TRPC1: variants seen among roughly 807,000 people sequenced by gnomAD.
TRPC1 encodes short transient receptor potential channel 1.
A neutral mutation model predicts 88.2 loss-of-function variants in TRPC1; 42 were observed. That is an observed-to-expected ratio of 0.48 (90% confidence interval 0.37 to 0.62). The LOEUF (loss-of-function observed/expected upper bound fraction) is 0.62. Ranked by LOEUF, TRPC1 falls within the 20% of genes least tolerant of loss-of-function variation. The pLI is 0.00. For missense variants in TRPC1, 699 were observed against 957.3 expected (o/e 0.73, Z 3.56); for synonymous variants, 288 against 331.8 (o/e 0.87, Z 1.43).
chr3:142,739,874 A>C (rs1934280134), intron 2 of TRPC1, among the ~76,000 whole-genome samples: 2 of 152,196 alleles, frequency 1.3e-5, no homozygotes. Context: ...GAAAAGGCAG[A>C]TATGAGTCCA....
intron 1 of TRPC1, among the ~76,000 whole-genome samples, chr3:142,732,850 A>G (rs1479683744): frequency 6.6e-6 from 1 of 152,224 alleles, no homozygotes. Flanking sequence ...TGTCTGTCAT[A>G]CACAGGCATT....
rs1411912522 is a variant in TRPC1 at position 142,724,680 on chromosome 3, AAGG to A, written c.127_129del (p.Glu43del). ...GGCGCTGAAGGATGTGCGGGAGGTGAAGGAGGAGAATACGCTGAATGAGAAGCT... is the reference window on the plus strand; with the variant it reads ...GGCGCTGAAGGATGTGCGGGAGGTGAAGGAGAATACGCTGAATGAGAAGCT... On this transcript the variant is annotated inframe_deletion, in exon 1 of 13. Coordinates refer to ENST00000476941, the MANE Select transcript of TRPC1 (RefSeq NM_001251845.2). This position sits in a 1 kb window ranked among gnomAD's most constrained non-coding sequence, Gnocchi z 5.6. The A allele has an allele frequency of 3.7e-6, 6 of 1,610,448 alleles. No individual in the cohort carries two copies. The highest frequency in any genetic ancestry group is 1.3e-5 in the African/African-American group (1 of 74,502).
chr3:142,744,316 G>T lies in TRPC1; in HGVS notation c.429+730G>T, dbSNP rs78686722. 6.9e-3 allele frequency among the ~76,000 whole-genome samples: 1,051 copies of T among 152,122 alleles called. 28 individuals carry two copies. In the East Asian group the frequency reaches 0.089, roughly 13 times the overall value. On this transcript the variant is annotated intron_variant, in intron 3 of 12. Coordinates refer to ENST00000476941, the MANE Select transcript of TRPC1 (RefSeq NM_001251845.2). The stretch of plus-strand genomic sequence containing the variant: ...CAGTCTCATGCTACTAGTGAGGCAG[G>T]TATTTTGGAAAGTGTTTTGGCAGGA...
In TRPC1 at chr3:142,724,373, A is replaced by T. The variant is rs1027650710; in HGVS notation, c.-187A>T. ...GCGCCGCCACCAACTTGGGGCTGTC[A>T]GTGGAGGGCGAGTGCTGGTTCTCAG... is the stretch of plus-strand genomic sequence containing the variant. On this transcript the variant is annotated 5_prime_UTR_variant, in exon 1 of 13. Transcript: ENST00000476941. The surrounding 1 kb of genome is among the most constrained non-coding windows in gnomAD (Gnocchi z 5.6). 1 of 438,122 alleles carries T rather than the reference A, an allele frequency of 2.3e-6. No homozygotes were observed. Among genetic ancestry groups the T allele is most frequent in the Non-Finnish European group, 3.9e-6 (1 of 259,398 alleles). The allele number at this position is 438,122 out of a possible 1,614,324, so 27.1% of individuals were successfully genotyped here.
chr3:142,766,035 G>GT (rs1396370731), intron 4 of TRPC1, among the ~76,000 whole-genome samples: 11 of 149,574 alleles, frequency 7.4e-5, no homozygotes, highest in Non-Finnish European at 3.0e-5. Context: ...CTATTAAGAA[G>GT]TAAAAAAAAA....
chr3:142,724,631 C>T lies in TRPC1; in HGVS notation c.72C>T (p.Ser24=), dbSNP rs761358013. 2.5e-6 allele frequency: 4 copies of T among 1,612,630 alleles called. No individual in the cohort carries two copies. The highest frequency in any genetic ancestry group is 1.7e-5 in the Admixed American group (1 of 59,970). ...CCTCCTCCCTGCCTTCCTCTCCATC[C>T]TCTTCCTCGCCGAACGAGGTGATGG... The part of the protein sequence containing the change: ...ASSSSLPSSP[S]SSSPNEVMAL... Residue 24 remains serine (S), a synonymous_variant, in exon 1 of 13, where the codon TCC becomes TCT. Coordinates refer to ENST00000476941, the MANE Select transcript of TRPC1 (RefSeq NM_001251845.2). This position sits in a 1 kb window ranked among gnomAD's most constrained non-coding sequence, Gnocchi z 5.6.
intron 1 of TRPC1, among the ~76,000 whole-genome samples, chr3:142,727,509 T>C (rs1933731787): frequency 6.6e-6 from 1 of 152,148 alleles, no homozygotes. Flanking sequence ...TGTAAGTAAG[T>C]TCGGTAGATT....
At chr3:142,795,291 T>G (rs1936417978) in intron 9 of TRPC1, among the ~76,000 whole-genome samples, 1 of 151,738 alleles carries the variant, frequency 6.6e-6, no homozygotes, top group East Asian at 1.9e-4. Context: ...CCAAAAAAAT[T>G]TTTTAAGAAA....
rs1350347671 is a variant in TRPC1 at position 142,724,308 on chromosome 3, C to A, written c.-252C>A. 4.3e-5 allele frequency: 11 copies of A among 256,028 alleles called. No homozygotes were observed. The highest frequency in any genetic ancestry group is 2.5e-4 in the African/African-American group (11 of 44,478). 15.9% of individuals were successfully genotyped at this position (256,028 alleles called of 1,614,324 possible). A position where few individuals can be genotyped will look rare whatever the true frequency, so the allele number is the denominator to read the frequency against. On this transcript the variant is annotated 5_prime_UTR_variant, in exon 1 of 13. Coordinates refer to ENST00000476941, the MANE Select transcript of TRPC1 (RefSeq NM_001251845.2). This position sits in a 1 kb window ranked among gnomAD's most constrained non-coding sequence, Gnocchi z 5.6. ...GCGCGGACCGGCTCGGCCGGGGCGC[C>A]GGCGGCTGGGGAGGGGTCGCTGGCC... is the stretch of plus-strand genomic sequence containing the variant.
intron 9 of TRPC1, chr3:142,793,877 G>C (rs1274760654): frequency 1.6e-5 from 16 of 985,298 alleles, no homozygotes; most frequent in Non-Finnish European, 1.8e-5. Flanking sequence ...AACCTGATTT[G>C]ATTAGGCTTG....
At chr3:142,758,212 C>G (rs1935044309) in intron 4 of TRPC1, among the ~76,000 whole-genome samples, 1 of 152,184 alleles carries the variant, frequency 6.6e-6, no homozygotes, top group African/African-American at 2.4e-5. Context: ...AACCTCCATA[C>G]TGTTCTCCAT....
Position 142,784,291 on chromosome 3 carries a change from A to G in TRPC1, c.961-413A>G, listed in dbSNP as rs540696455. Among the ~76,000 whole-genome samples the G allele has an allele frequency of 2.0e-5, 3 of 152,276 alleles. No homozygotes were observed. The South Asian group carries it at 6.2e-4, about 32-fold the overall frequency. On this transcript the variant is annotated intron_variant, in intron 6 of 12. Coordinates refer to ENST00000476941, the MANE Select transcript of TRPC1 (RefSeq NM_001251845.2). The stretch of plus-strand genomic sequence containing the variant: ...TGAGTTTTTATATATTAAACATGAA[A>G]AAATGGCTAAGTAAGCTAATAATAA...
chr3:142,725,227 C>T lies in TRPC1; in HGVS notation c.172+496C>T, dbSNP rs532344094. Among the ~76,000 whole-genome samples, 4 of 152,306 alleles carry T rather than the reference C, an allele frequency of 2.6e-5. No homozygotes were observed. The East Asian group carries it at 5.8e-4, about 22-fold the overall frequency. The stretch of plus-strand genomic sequence containing the variant: ...CAAAACCAGACCCTCTATTATTTAG[C>T]TTCACCTGACCAGTGCTTTAGCCAG... On this transcript the variant is annotated intron_variant, in intron 1 of 12. Coordinates refer to ENST00000476941, the MANE Select transcript of TRPC1 (RefSeq NM_001251845.2).
chr3:142,751,880 A>T (rs978914085), intron 4 of TRPC1, among the ~76,000 whole-genome samples: 2 of 152,180 alleles, frequency 1.3e-5, no homozygotes, highest in African/African-American at 4.8e-5. Flanking sequence ...TCTATTTTCA[A>T]GTCTATTTTA....
Position 142,784,735 on chromosome 3 carries a change from T to A in TRPC1, c.992T>A (p.Leu331Gln), listed in dbSNP as rs781497762. ...FVSQSNCQQF[L>Q]NTVWFGQMSG... Reference sequence around the variant, plus strand: ...TCCCAGTCTAACTGCCAGCAGTTCCTGAACACTGTTTGGTTTGGACAGATG... The same window carrying A: ...TCCCAGTCTAACTGCCAGCAGTTCCAGAACACTGTTTGGTTTGGACAGATG... The change falls in exon 7 of 13, where the codon CTG becomes CAG. Residue 331 changes from leucine (L) to glutamine (Q), a missense_variant. Transcript: ENST00000476941. The A allele has an allele frequency of 2.5e-6, 4 of 1,613,858 alleles. No individual in the cohort carries two copies. In the South Asian group the frequency reaches 3.3e-5, roughly 13 times the overall value.
rs559546983 is a variant in TRPC1 at position 142,792,249 on chromosome 3, T to C, written c.1438-575T>C. ...TCGTTCTATAAGTGGAGTACCCATATAATTTTTTATCCAAATCAGGACATT... is the reference window on the plus strand; with the variant it reads ...TCGTTCTATAAGTGGAGTACCCATACAATTTTTTATCCAAATCAGGACATT... On this transcript the variant is annotated intron_variant, in intron 8 of 12. Transcript: ENST00000476941. This position sits in a 1 kb window ranked among gnomAD's most constrained non-coding sequence, Gnocchi z 4.0. Among the ~76,000 whole-genome samples, 1 of 152,042 alleles carries C rather than the reference T, an allele frequency of 6.6e-6. No individual in the cohort carries two copies. The highest frequency in any genetic ancestry group is 1.5e-5 in the Non-Finnish European group (1 of 67,938).
rs1933608011 is a variant in TRPC1, at chr3:142,724,880, T to G, written c.172+149T>G. On this transcript the variant is annotated intron_variant, in intron 1 of 12. Coordinates refer to ENST00000476941, the MANE Select transcript of TRPC1 (RefSeq NM_001251845.2). This position sits in a 1 kb window ranked among gnomAD's most constrained non-coding sequence, Gnocchi z 5.6. ...CCTGCTGCCTCAGGCGGTCTTCTCC[T>G]CACCGCCTCTGCCCTGTGAGTGTGG... 6 of 911,514 alleles carry G rather than the reference T, an allele frequency of 6.6e-6. No individual in the cohort carries two copies. In the East Asian group the frequency reaches 1.9e-4, roughly 29 times the overall value. The allele number at this position is 911,514 out of a possible 1,614,324, so 56.5% of individuals were successfully genotyped here.
chr3:142,739,008 G>T (rs1934246054), intron 2 of TRPC1, among the ~76,000 whole-genome samples: 1 of 152,080 alleles, frequency 6.6e-6, no homozygotes, highest in African/African-American at 2.4e-5. Flanking sequence ...TTTCGCTCTT[G>T]TTGCCCAGGC....
chr3:142,788,952 C>CT (rs778981757), intron 7 of TRPC1, among the ~76,000 whole-genome samples: 1 of 152,040 alleles, frequency 6.6e-6, no homozygotes, highest in Admixed American at 6.6e-5. Flanking sequence ...TCATGTCTGT[C>CT]TTTTTTGATC....
Sources: allele counts gnomAD v4.1 joint callset (sites outside exome capture counted in the v4.1 genomes callset), GRCh38; gene constraint gnomAD v4.1.1; non-coding constraint Gnocchi (gnomAD v3.1); transcripts MANE v1.5; gene names NCBI Gene and HGNC (gene_info 2026-07-23, HGNC 2026-07-21).